SLC25A40: variants seen among roughly 807,000 people sequenced by gnomAD.
The protein encoded by SLC25A40 is mitochondrial glutathione transporter SLC25A40.
Under a neutral mutation model 46.5 loss-of-function variants are expected in SLC25A40, and 41 were observed. The observed-to-expected ratio is 0.88, with a 90% CI of 0.69 to 1.14. SLC25A40 has a LOEUF of 1.14. Among genes scored for constraint, SLC25A40 ranks in the 50% most tolerant of loss-of-function variants. The pLI, the probability that SLC25A40 is intolerant of heterozygous loss-of-function variation, is 0.00. For synonymous variants in SLC25A40, 126 were observed against 127.5 expected (o/e 0.99, Z 0.08); for missense variants, 386 against 393.6 (o/e 0.98, Z 0.16).
At chr7:87,855,339 T>A (rs1451842436) in intron 4 of SLC25A40, among the ~76,000 whole-genome samples, 2 of 152,196 alleles carry the variant, frequency 1.3e-5, no homozygotes, top group Non-Finnish European at 2.9e-5. Context: ...AACTAGAATT[T>A]TTTTTTAAAT....
rs750874505 is a variant in SLC25A40 at position 87,843,829 on chromosome 7, C to T, written c.666G>A (p.Lys222=). ...ATAAACCAGATTTCTCACATAACCACTTCTTTAAAATTTCATAGTTATACC... is the reference window on the plus strand; with the variant it reads ...ATAAACCAGATTTCTCACATAACCATTTCTTTAAAATTTCATAGTTATACC... The part of the protein sequence containing the change: ...MYWYNYEILK[K]WLCEKSGLYE... The change falls in exon 9 of 12, where the codon AAG becomes AAA. Residue 222 remains lysine, a synonymous_variant. Transcript: ENST00000341119. 5 of 1,609,980 alleles carry T rather than the reference C, an allele frequency of 3.1e-6. No individual in the cohort carries two copies.
chr7:87,845,902 G>C (rs1838409560), intron 8 of SLC25A40, among the ~76,000 whole-genome samples: 1 of 152,058 alleles, frequency 6.6e-6, no homozygotes, highest in African/African-American at 2.4e-5. Flanking sequence ...TAGGTATGTA[G>C]ATCATACAAT....
intron 5 of SLC25A40, among the ~76,000 whole-genome samples, chr7:87,852,764 T>C (rs1041502067): frequency 6.6e-6 from 1 of 151,968 alleles, no homozygotes; most frequent in Non-Finnish European, 1.5e-5. Flanking sequence ...AAAAAGCAAC[T>C]CAATGGAGGA....
At chr7:87,848,695 T>C (rs1412917674) in intron 6 of SLC25A40, among the ~76,000 whole-genome samples, 1 of 152,200 alleles carries the variant, frequency 6.6e-6, no homozygotes, top group African/African-American at 2.4e-5. Context: ...AAGAAATTAT[T>C]AAAAGGGAAT....
At chr7:87,853,226 T>C (rs1027921473) in intron 5 of SLC25A40, among the ~76,000 whole-genome samples, 1 of 152,200 alleles carries the variant, frequency 6.6e-6, no homozygotes, top group African/African-American at 2.4e-5. Flanking sequence ...TATTAAAAGA[T>C]GTTCAACATC....
At position 87,839,828 on chromosome 7, in the gene SLC25A40, C is replaced by T. The variant is rs1217201761; in HGVS notation, c.823+1805G>A. 4.2e-4 allele frequency among the ~76,000 whole-genome samples: 64 copies of T among 151,706 alleles called. 1 individual carries two copies. The highest frequency in any genetic ancestry group is 1.5e-5 in the Non-Finnish European group (1 of 67,750). ...TCGAAGTAGGCTGACAGATCATATACTTGCATGGAACTATCATTCTATAGT... is the reference window on the plus strand; with the variant it reads ...TCGAAGTAGGCTGACAGATCATATATTTGCATGGAACTATCATTCTATAGT... On this transcript the variant is annotated intron_variant, in intron 10 of 11. Transcript: ENST00000341119.
chr7:87,838,313 T>C lies in SLC25A40; in HGVS notation c.824-1503A>G, dbSNP rs189547782. Among the ~76,000 whole-genome samples the C allele has an allele frequency of 2.0e-5, 3 of 151,618 alleles. No homozygotes were observed. In the East Asian group the frequency reaches 5.8e-4, roughly 29 times the overall value. ...CAAGCAGCAGGTGTTTCTAATCTTGTAGAACTCATGCCCCAAACTAGTTTC... is the reference window on the plus strand; with the variant it reads ...CAAGCAGCAGGTGTTTCTAATCTTGCAGAACTCATGCCCCAAACTAGTTTC... On this transcript the variant is annotated intron_variant, in intron 10 of 11. Coordinates refer to ENST00000341119, the MANE Select transcript of SLC25A40 (RefSeq NM_018843.4).
At position 87,843,803 on chromosome 7, in the gene SLC25A40, T is replaced by C. The variant is rs1838371763; in HGVS notation, c.692A>G (p.Tyr231Cys). 2 of 1,611,750 alleles carry C rather than the reference T, an allele frequency of 1.2e-6. No homozygotes were observed. Among genetic ancestry groups the C allele is most frequent in the Non-Finnish European group, 1.7e-6 (2 of 1,178,594 alleles). ...AAAGTTGATCATAAATGTTGGCTCATATAAACCAGATTTCTCACATAACCA... is the reference window on the plus strand; with the variant it reads ...AAAGTTGATCATAAATGTTGGCTCACATAAACCAGATTTCTCACATAACCA... ...KKWLCEKSGLYEPTFMINFTS... is the reference protein window; with the variant it reads ...KKWLCEKSGLCEPTFMINFTS... The change falls in exon 9 of 12, where the codon TAT becomes TGT. Residue 231 changes from tyrosine to cysteine, a missense_variant. Tyr to Cys is a radical substitution (Grantham distance 194). Transcript: ENST00000341119.
chr7:87,839,105 A>T (rs1256326289), intron 10 of SLC25A40, among the ~76,000 whole-genome samples: 1 of 151,494 alleles, frequency 6.6e-6, no homozygotes, highest in Non-Finnish European at 1.5e-5. Context: ...TTTCCAAAGT[A>T]GCTGTTCCAA....
chr7:87,861,751 G>A (rs1436057708), intron 1 of SLC25A40, among the ~76,000 whole-genome samples: 2 of 152,136 alleles, frequency 1.3e-5, no homozygotes, highest in African/African-American at 2.4e-5. Context: ...GCACTTTATT[G>A]TTGACATTGA....
chr7:87,836,890 G>T, intron 10 of SLC25A40, 80 bp from the exon 11 acceptor site: 1 of 791,844 alleles, frequency 1.3e-6, no homozygotes, highest in Non-Finnish European at 1.9e-6. Flanking sequence ...AGTGTCCATG[G>T]CCCTTGCGGA....
intron 1 of SLC25A40, among the ~76,000 whole-genome samples, chr7:87,873,253 A>AT (rs958495981): frequency 3.5e-4 from 54 of 152,246 alleles, no homozygotes; most frequent in Middle Eastern, 3.4e-3. Flanking sequence ...AAAAAAAGTG[A>AT]TAAGTACTAC....
chr7:87,856,342 A>AG lies in SLC25A40; in HGVS notation c.106dup (p.Leu36ProfsTer5). On this transcript the variant is annotated frameshift_variant, in exon 4 of 12. Transcript: ENST00000341119. LOFTEE classifies it high-confidence loss of function. ...TTGGAGTCTAATTTTAACAACATCC[A>AG]GGGGTGTCACTATGAAGATATGTTA... is the stretch of plus-strand genomic sequence containing the variant. The AG allele has an allele frequency of 1.2e-6, 2 of 1,613,310 alleles. No homozygotes were observed. The highest frequency in any genetic ancestry group is 1.7e-6 in the Non-Finnish European group (2 of 1,179,394).
At chr7:87,868,471 C>T (rs1310005844) in intron 1 of SLC25A40, among the ~76,000 whole-genome samples, 1 of 151,956 alleles carries the variant, frequency 6.6e-6, no homozygotes, top group African/African-American at 2.4e-5. Flanking sequence ...AGGGCTGTCT[C>T]CAAGACTGCC....
intron 1 of SLC25A40, among the ~76,000 whole-genome samples, chr7:87,867,117 G>C (rs918270811): frequency 2.0e-5 from 3 of 152,210 alleles, no homozygotes; most frequent in African/African-American, 7.2e-5. Context: ...TCTGTTTGTT[G>C]TTCTCAGACC....
chr7:87,861,366 T>C (rs1838696396), intron 1 of SLC25A40, among the ~76,000 whole-genome samples: 1 of 152,186 alleles, frequency 6.6e-6, no homozygotes, highest in Non-Finnish European at 1.5e-5. Context: ...TAATTGGATA[T>C]TAGATAATAT....
chr7:87,870,855 G>A (rs553101421), intron 1 of SLC25A40, among the ~76,000 whole-genome samples: 7 of 152,188 alleles, frequency 4.6e-5, no homozygotes, highest in East Asian at 3.9e-4. Context: ...GAAGTTGTTC[G>A]TGTGACCTCA....
rs1039104000 is a variant in SLC25A40, at chr7:87,836,214, G to A, written c.*35C>T. ...TTGCCTAAGAGTCTCCATCTTCTTT[G>A]GCTATAGTTGTTGTTTCAAGTTGAA... is the stretch of plus-strand genomic sequence containing the variant. On this transcript the variant is annotated 3_prime_UTR_variant, in exon 12 of 12. Transcript: ENST00000341119. 3 of 1,296,228 alleles carry A rather than the reference G, an allele frequency of 2.3e-6. No homozygotes were observed. Among genetic ancestry groups the A allele is most frequent in the Admixed American group, 2.0e-5 (1 of 49,238 alleles). The allele number at this position is 1,296,228 out of a possible 1,614,324, so 80.3% of individuals were successfully genotyped here. A position where few individuals can be genotyped will look rare whatever the true frequency, so the allele number is the denominator to read the frequency against.
rs759575483 is a variant in SLC25A40, at chr7:87,847,835, TAAAG to T, written c.457+14_457+17del. On this transcript the variant is annotated intron_variant, in intron 7 of 11. Coordinates refer to ENST00000341119, the MANE Select transcript of SLC25A40 (RefSeq NM_018843.4). ...CTCTAAACAGAAATCAAAATGAAAATAAAGATTTATTACTCACATCTGGCTACAA... is the reference window on the plus strand; with the variant it reads ...CTCTAAACAGAAATCAAAATGAAAATATTTATTACTCACATCTGGCTACAA... The T allele has an allele frequency of 4.4e-6, 7 of 1,584,214 alleles. No homozygotes were observed. In the South Asian group the frequency reaches 8.3e-5, roughly 19 times the overall value.
Sources: gnomAD v4.1 joint callset for allele counts (sites outside exome capture counted in the v4.1 genomes callset) on GRCh38, gnomAD v4.1.1 for gene constraint, MANE v1.5 for transcripts, NCBI Gene and HGNC (gene_info 2026-07-23, HGNC 2026-07-21) for gene names.